The following TFEC variants were observed in gnomAD, a reference collection of about 807,000 sequenced individuals.
The protein encoded by TFEC is transcription factor EC.
A neutral mutation model predicts 41.6 loss-of-function variants in TFEC; 31 were observed. The ratio of observed to expected loss-of-function variants is 0.74; its 90% CI spans 0.56 to 1.01. TFEC has a LOEUF of 1.01. Ranked by LOEUF, TFEC falls within the 50% of genes least tolerant of loss-of-function variation. The pLI is 0.00. For synonymous variants in TFEC, 143 were observed against 140.6 expected (o/e 1.02, Z -0.12); for missense variants, 402 against 404.1 (o/e 0.99, Z 0.04).
rs1795185355 is a variant in TFEC, at chr7:116,016,223, G to C, written c.-73+14410C>G. On this transcript the variant is annotated intron_variant, in intron 1 of 7. Coordinates refer to ENST00000265440, the MANE Select transcript of TFEC (RefSeq NM_012252.4). ...ATCCCCAGCAGACTGAGAAATAACT[G>C]GGTCACTGGCAAGCCTCAGGAGAAT... Among the ~76,000 whole-genome samples, 4 of 152,096 alleles carry C rather than the reference G, an allele frequency of 2.6e-5. No individual in the cohort carries two copies. The South Asian group carries it at 8.3e-4, about 32-fold the overall frequency.
chr7:116,072,382 C>G (rs529750972), intron 3 of TFEC, among the ~76,000 whole-genome samples: 1 of 151,646 alleles, frequency 6.6e-6, no homozygotes, highest in South Asian at 2.1e-4. Context: ...TCAGCTGTAG[C>G]TACAATTGTA....
chr7:115,979,109 A>T (rs1268630244), intron 2 of TFEC, among the ~76,000 whole-genome samples: 2 of 152,120 alleles, frequency 1.3e-5, no homozygotes, highest in Non-Finnish European at 2.9e-5. Flanking sequence ...TCACACCCAC[A>T]ATAGAAATAG....
chr7:116,141,627 G>A (rs1325193751), intron 1 of TFEC, among the ~76,000 whole-genome samples: 1 of 152,172 alleles, frequency 6.6e-6, no homozygotes, highest in Non-Finnish European at 1.5e-5. Context: ...TGGAAGCACA[G>A]AGGCAGTCAA....
At chr7:116,101,877 G>A (rs1439252864) in intron 3 of TFEC, among the ~76,000 whole-genome samples, 1 of 152,170 alleles carries the variant, frequency 6.6e-6, no homozygotes, top group African/African-American at 2.4e-5. Context: ...TGAAAACTGT[G>A]ATTCAACTGA....
At chr7:116,045,032 G>A (rs1263106281) in intron 3 of TFEC, among the ~76,000 whole-genome samples, 1 of 152,178 alleles carries the variant, frequency 6.6e-6, no homozygotes, top group Non-Finnish European at 1.5e-5. Context: ...CAGTAGAGTG[G>A]GGCATTGCTG....
At chr7:115,947,125 G>A (rs1372426559) in intron 6 of TFEC, among the ~76,000 whole-genome samples, 1 of 132,150 alleles carries the variant, frequency 7.6e-6, no homozygotes, top group Non-Finnish European at 1.5e-5. Context: ...CTGTGTCCAT[G>A]TGCTCCCATT....
chr7:116,052,719 G>A (rs1796340906), intron 3 of TFEC, among the ~76,000 whole-genome samples: 1 of 151,318 alleles, frequency 6.6e-6, no homozygotes, highest in African/African-American at 2.4e-5. Context: ...GAGCCACCGT[G>A]CCCAGCAACA....
At chr7:116,050,779 C>T (rs914997969) in intron 3 of TFEC, among the ~76,000 whole-genome samples, 4 of 152,220 alleles carry the variant, frequency 2.6e-5, no homozygotes, top group Non-Finnish European at 5.9e-5. Flanking sequence ...CCATTTGACC[C>T]AGCCATCCCA....
At chr7:116,011,852 CCTCT>C (rs1349495069) in intron 1 of TFEC, among the ~76,000 whole-genome samples, 2 of 152,012 alleles carry the variant, frequency 1.3e-5, no homozygotes, top group Non-Finnish European at 2.9e-5. Context: ...GGAAATTCCT[CCTCT>C]CTCTCTTTCT....
intron 3 of TFEC, among the ~76,000 whole-genome samples, chr7:116,098,253 G>T (rs1292757901): frequency 1.3e-5 from 2 of 151,764 alleles, no homozygotes; most frequent in Non-Finnish European, 2.9e-5. Flanking sequence ...TCCCTCTCCC[G>T]GGTGCAAGCG....
intron 5 of TFEC, among the ~76,000 whole-genome samples, chr7:115,954,308 G>C (rs2130391823): frequency 6.6e-6 from 1 of 152,116 alleles, no homozygotes; most frequent in East Asian, 1.9e-4. Context: ...AGTCACAACA[G>C]AATTCAAATG....
intron 3 of TFEC, among the ~76,000 whole-genome samples, chr7:116,109,905 A>C (rs1394065164): frequency 6.6e-6 from 1 of 152,192 alleles, no homozygotes; most frequent in Non-Finnish European, 1.5e-5. Context: ...ATAAAAAAGG[A>C]TGCATAGTAT....
intron 6 of TFEC, among the ~76,000 whole-genome samples, chr7:115,944,321 A>C (rs548693486): frequency 6.6e-6 from 1 of 151,598 alleles, no homozygotes; most frequent in African/African-American, 2.4e-5. Flanking sequence ...AGAAAGCTAA[A>C]GAGGACAACT....
intron 1 of TFEC, among the ~76,000 whole-genome samples, chr7:116,150,841 C>CATATTTGTTT: frequency 6.6e-6 from 1 of 152,170 alleles, no homozygotes; most frequent in East Asian, 1.9e-4. Context: ...GACTCAAACC[C>CATATTTGTTT]ACATCATATT....
intron 1 of TFEC, among the ~76,000 whole-genome samples, chr7:116,151,994 CA>C (rs964303969): frequency 2.7e-5 from 4 of 149,878 alleles, no homozygotes; most frequent in East Asian, 1.9e-4. Flanking sequence ...CACTTTTTCT[CA>C]AAAAAAAAGG....
Position 115,938,449 on chromosome 7 carries a change from G to C in TFEC, c.*2102C>G, listed in dbSNP as rs1332678869. On this transcript the variant is annotated 3_prime_UTR_variant, in exon 8 of 8. Coordinates refer to ENST00000265440, the MANE Select transcript of TFEC (RefSeq NM_012252.4). ...AATTATTGAGAAGATGTATCTAATA[G>C]CTGTTTCACATGGCATATTTCAGAT... 1.3e-5 allele frequency: 2 copies of C among 151,796 alleles called. No individual in the cohort carries two copies. The highest frequency in any genetic ancestry group is 4.8e-5 in the African/African-American group (2 of 41,368). 9.4% of individuals were successfully genotyped at this position (151,796 alleles called of 1,614,324 possible).
intron 3 of TFEC, among the ~76,000 whole-genome samples, chr7:116,085,437 ACATACC>A (rs1797181870): frequency 6.6e-6 from 1 of 151,826 alleles, no homozygotes; most frequent in South Asian, 2.1e-4. Flanking sequence ...AGTTCTTTGC[ACATACC>A]CATAAAACTT....
chr7:115,981,530 C>T (rs1339434261), intron 2 of TFEC, among the ~76,000 whole-genome samples: 2 of 152,050 alleles, frequency 1.3e-5, no homozygotes, highest in Non-Finnish European at 2.9e-5. Flanking sequence ...GGCAGAAATT[C>T]ATCTTAGGAG....
At chr7:115,949,065 G>A (rs995768006) in intron 6 of TFEC, among the ~76,000 whole-genome samples, 8 of 152,020 alleles carry the variant, frequency 5.3e-5, no homozygotes, top group African/African-American at 1.2e-4. Flanking sequence ...ACAGACAAAC[G>A]GAGAGCCAAA....
Sources: gnomAD v4.1 joint callset for allele counts (sites outside exome capture counted in the v4.1 genomes callset) on GRCh38, gnomAD v4.1.1 for gene constraint, MANE v1.5 for transcripts, NCBI Gene and HGNC (gene_info 2026-07-23, HGNC 2026-07-21) for gene names.